PDSS2: variants seen among roughly 807,000 people sequenced by gnomAD.
PDSS2 encodes decaprenyl diphosphate synthase subunit 2.
In PDSS2, 31 loss-of-function variants were observed where a neutral mutation model predicts 44.5. The observed-to-expected ratio is 0.70, with a 90% CI of 0.52 to 0.94. The LOEUF is 0.94. Among genes scored for constraint, PDSS2 ranks in the 40% least tolerant of loss-of-function variants. The pLI, the probability that PDSS2 is intolerant of heterozygous loss-of-function variation, is 0.00. For synonymous variants in PDSS2, 157 were observed against 180.3 expected (o/e 0.87, Z 1.03); for missense variants, 452 against 482.2 (o/e 0.94, Z 0.59).
intron 1 of PDSS2, among the ~76,000 whole-genome samples, chr6:107,372,530 C>G (rs1779157846): frequency 6.6e-6 from 1 of 152,204 alleles, no homozygotes; most frequent in Admixed American, 6.5e-5. Flanking sequence ...CGACTCACTG[C>G]AAGCTCCGCC....
At chr6:107,450,173 G>A (rs1288372940) in intron 1 of PDSS2, among the ~76,000 whole-genome samples, 2 of 152,056 alleles carry the variant, frequency 1.3e-5, no homozygotes, top group African/African-American at 2.4e-5. Flanking sequence ...TTGTATCAGT[G>A]GTTCATTTCT....
At chr6:107,349,295 T>A (rs1216941750) in intron 1 of PDSS2, among the ~76,000 whole-genome samples, 2 of 151,846 alleles carry the variant, frequency 1.3e-5, no homozygotes, top group Non-Finnish European at 2.9e-5. Flanking sequence ...TAGCTGGGCG[T>A]GGTGGCGGGC....
chr6:107,417,952 C>A (rs1391031665), intron 1 of PDSS2, among the ~76,000 whole-genome samples: 2 of 151,624 alleles, frequency 1.3e-5, no homozygotes, highest in Non-Finnish European at 2.9e-5. Flanking sequence ...TTTAAAATGA[C>A]AGTTAAGAAG....
chr6:107,422,821 G>A (rs1021160410), intron 1 of PDSS2, among the ~76,000 whole-genome samples: 10 of 151,890 alleles, frequency 6.6e-5, no homozygotes, highest in African/African-American at 2.2e-4. Flanking sequence ...TGTATTGTCC[G>A]ACAGGAGCAT....
At chr6:107,452,422 G>A (rs1468738355) in intron 1 of PDSS2, among the ~76,000 whole-genome samples, 1 of 151,844 alleles carries the variant, frequency 6.6e-6, no homozygotes, top group Non-Finnish European at 1.5e-5. Flanking sequence ...AGTAGAGACA[G>A]GGTTTCACCA....
intron 1 of PDSS2, among the ~76,000 whole-genome samples, chr6:107,369,873 T>G (rs1187107675): frequency 6.6e-6 from 1 of 151,914 alleles, no homozygotes; most frequent in African/African-American, 2.4e-5. Context: ...GTGGGTGGTG[T>G]TATGTCTGTA....
chr6:107,194,614 C>T (rs1772489586), intron 6 of PDSS2, among the ~76,000 whole-genome samples: 1 of 152,210 alleles, frequency 6.6e-6, no homozygotes, highest in East Asian at 1.9e-4. Context: ...CATACTCCAT[C>T]AATTCAGGAG....
chr6:107,202,251 C>A (rs907576772), intron 6 of PDSS2, among the ~76,000 whole-genome samples: 3 of 152,072 alleles, frequency 2.0e-5, no homozygotes, highest in Non-Finnish European at 4.4e-5. Context: ...TGTTGCCTAG[C>A]TGGTCTTGAA....
At chr6:107,311,646 T>C (rs1158721176) in intron 2 of PDSS2, among the ~76,000 whole-genome samples, 2 of 152,190 alleles carry the variant, frequency 1.3e-5, no homozygotes, top group Non-Finnish European at 2.9e-5. Context: ...AAGCAGATAA[T>C]ATCAATAAAG....
At chr6:107,350,369 T>C (rs1222980215) in intron 1 of PDSS2, among the ~76,000 whole-genome samples, 1 of 151,388 alleles carries the variant, frequency 6.6e-6, no homozygotes, top group South Asian at 2.1e-4. Flanking sequence ...TGATCCAATA[T>C]GGCATCATTA....
intron 1 of PDSS2, among the ~76,000 whole-genome samples, chr6:107,439,413 G>A (rs1035559740): frequency 1.3e-5 from 2 of 152,164 alleles, no homozygotes; most frequent in African/African-American, 2.4e-5. Context: ...GAGCTGTGAA[G>A]GCACAATTAA....
chr6:107,412,601 T>C (rs1053643531), intron 1 of PDSS2, among the ~76,000 whole-genome samples: 2 of 152,236 alleles, frequency 1.3e-5, no homozygotes, highest in East Asian at 1.9e-4. Flanking sequence ...TCTCCATTTA[T>C]ACAACTGTCG....
At chr6:107,270,169 C>T (rs1003161781) in intron 3 of PDSS2, among the ~76,000 whole-genome samples, 2 of 151,948 alleles carry the variant, frequency 1.3e-5, no homozygotes, top group African/African-American at 2.4e-5. Context: ...AGTGCAATGG[C>T]GTGATCTTGG....
chr6:107,418,213 C>T (rs1774489709), intron 1 of PDSS2, among the ~76,000 whole-genome samples: 1 of 152,062 alleles, frequency 6.6e-6, no homozygotes, highest in African/African-American at 2.4e-5. Context: ...GAGGATTATC[C>T]TGGATGGACC....
chr6:107,363,265 G>A (rs908275438), intron 1 of PDSS2, among the ~76,000 whole-genome samples: 3 of 152,194 alleles, frequency 2.0e-5, no homozygotes, highest in Non-Finnish European at 2.9e-5. Flanking sequence ...AATTGTGTTC[G>A]GAATTGGTGG....
intron 2 of PDSS2, among the ~76,000 whole-genome samples, chr6:107,307,787 G>C (rs1270641331): frequency 1.3e-5 from 2 of 152,096 alleles, no homozygotes; most frequent in African/African-American, 4.8e-5. Flanking sequence ...AAGGAAACCA[G>C]CTTCCTTTTA....
At chr6:107,431,853 T>C (rs1008439711) in intron 1 of PDSS2, among the ~76,000 whole-genome samples, 3 of 152,178 alleles carry the variant, frequency 2.0e-5, no homozygotes, top group African/African-American at 7.2e-5. Flanking sequence ...ATGACAACAA[T>C]ATGACCTCTT....
intron 1 of PDSS2, among the ~76,000 whole-genome samples, chr6:107,444,178 C>T (rs987243256): frequency 1.1e-4 from 17 of 152,110 alleles, no homozygotes; most frequent in Admixed American, 5.2e-4. Context: ...CAGGCACACA[C>T]CACCACACCC....
intron 2 of PDSS2, among the ~76,000 whole-genome samples, chr6:107,296,091 G>C (rs1776499594): frequency 1.3e-5 from 2 of 152,160 alleles, no homozygotes; most frequent in Admixed American, 1.3e-4. Flanking sequence ...TCCAAATGGA[G>C]GGCTGCTCCA....
Sources: gnomAD v4.1 joint callset for allele counts (sites outside exome capture counted in the v4.1 genomes callset) on GRCh38, gnomAD v4.1.1 for gene constraint, MANE v1.5 for transcripts, NCBI Gene and HGNC (gene_info 2026-07-23, HGNC 2026-07-21) for gene names.